HEATR5A: variants seen among roughly 807,000 people sequenced by gnomAD.
HEATR5A encodes the protein HEAT repeat containing 5A, also known as HEAT repeat-containing protein 5A.
Under a neutral mutation model 218.8 loss-of-function variants are expected in HEATR5A, and 178 were observed. The observed-to-expected ratio is 0.81, with a 90% CI of 0.72 to 0.92. The LOEUF (loss-of-function observed/expected upper bound fraction) is 0.92. HEATR5A is among the 40% of genes least tolerant of loss of function. The pLI is 0.00. For missense variants in HEATR5A, 2,420 were observed against 2,418.9 expected (o/e 1.00, Z -0.01); for synonymous variants, 864 against 871.6 (o/e 0.99, Z 0.15).
intron 1 of HEATR5A, among the ~76,000 whole-genome samples, chr14:31,412,065 AG>A (rs1386499820): frequency 6.6e-6 from 1 of 152,036 alleles, no homozygotes; most frequent in African/African-American, 2.4e-5. Context: ...CATGTTGACC[AG>A]GCTGGTCTCG....
At position 31,369,889 on chromosome 14, in the gene HEATR5A, G is replaced by A. The variant is rs183071037; in HGVS notation, c.1961+1921C>T. 4.7e-4 allele frequency among the ~76,000 whole-genome samples: 69 copies of A among 145,810 alleles called. No homozygotes were observed. In the East Asian group the frequency reaches 9.8e-3, roughly 21 times the overall value. The stretch of plus-strand genomic sequence containing the variant: ...ACGGAGGTTGCTGTGACCGGAGATC[G>A]CGCCACTGCACTCCAGCCTGGGTGA... On this transcript the variant is annotated intron_variant, in intron 13 of 35. Transcript: ENST00000543095.
intron 1 of HEATR5A, among the ~76,000 whole-genome samples, chr14:31,417,292 G>C (rs1052764100): frequency 1.3e-5 from 2 of 152,184 alleles, no homozygotes; most frequent in African/African-American, 4.8e-5. Flanking sequence ...CGGGGCGGTG[G>C]CTCAAGCCTG....
intron 1 of HEATR5A, among the ~76,000 whole-genome samples, chr14:31,416,176 G>A (rs536020403): frequency 6.6e-6 from 1 of 152,236 alleles, no homozygotes; most frequent in Admixed American, 6.5e-5. Context: ...GCAGTGCAGT[G>A]GTACGATCTC....
rs532818300 is a variant in HEATR5A at position 31,308,958 on chromosome 14, T to C, written c.4666A>G (p.Thr1556Ala). 42 of 1,613,588 alleles carry C rather than the reference T, an allele frequency of 2.6e-5. No homozygotes were observed. The East Asian group carries it at 7.4e-4, about 28-fold the overall frequency. ...CCTAAAATAAGATGGAATCTATCAG[T>C]GTAGACATCCTCAGGGGACTTTATG... ...ATIKSPEDVY[T>A]DRFHLILGIS... The change falls in exon 29 of 36, where the codon ACT becomes GCT. Residue 1556 changes from threonine to alanine, a missense_variant. Thr to Ala is a moderately conservative substitution (Grantham distance 58). Coordinates refer to ENST00000543095, the MANE Select transcript of HEATR5A (RefSeq NM_015473.4).
chr14:31,302,181 G>T, intron 33 of HEATR5A, 114 bp downstream of exon 33: 1 of 721,186 alleles, frequency 1.4e-6, no homozygotes, highest in Non-Finnish European at 2.4e-6. Flanking sequence ...TATTGAATAT[G>T]GTCTCCTCTA....
intron 2 of HEATR5A, among the ~76,000 whole-genome samples, chr14:31,401,721 T>C (rs557267968): frequency 6.6e-6 from 1 of 152,348 alleles, no homozygotes; most frequent in South Asian, 2.1e-4. Context: ...TCTGAGTTAC[T>C]AATCCTACAC....
chr14:31,307,810 T>G, intron 30 of HEATR5A, 83 bp downstream of exon 30: 2 of 1,476,302 alleles, frequency 1.4e-6, no homozygotes. Flanking sequence ...TGTGTTTACT[T>G]TCTGTTAACT....
At position 31,323,721 on chromosome 14, in the gene HEATR5A, G is replaced by T; in HGVS notation, c.3631C>A (p.Arg1211Ser). ...GTAAAAGGATGGGATTTTTCATCAC[G>T]TCTGGTGGTCAGGACTGAGGCATCA... ...GDDASVLTTR[R>S]DEKSHPFTNP... is the part of the protein sequence containing the mutation. Residue 1211 changes from arginine (R) to serine (S), a missense_variant, in exon 24 of 36, where the codon CGT (arginine) becomes AGT (serine). Physicochemically the swap from Arg to Ser is moderately radical, Grantham distance 110. Transcript: ENST00000543095. 1 of 1,613,412 alleles carries T rather than the reference G, an allele frequency of 6.2e-7. No individual in the cohort carries two copies. Among genetic ancestry groups the T allele is most frequent in the Non-Finnish European group, 8.5e-7 (1 of 1,179,524 alleles).
intron 1 of HEATR5A, among the ~76,000 whole-genome samples, chr14:31,413,089 A>G (rs2031334894): frequency 6.6e-6 from 1 of 152,172 alleles, no homozygotes; most frequent in South Asian, 2.1e-4. Flanking sequence ...TTCTAATTGT[A>G]ATATATAATG....
chr14:31,379,829 A>G (rs1282118495), intron 11 of HEATR5A, among the ~76,000 whole-genome samples: 1 of 152,078 alleles, frequency 6.6e-6, no homozygotes, highest in Non-Finnish European at 1.5e-5. Flanking sequence ...ATGATGTTGC[A>G]TGCCTATGGT....
intron 28 of HEATR5A, among the ~76,000 whole-genome samples, chr14:31,311,175 T>C (rs2139147354): frequency 6.6e-6 from 1 of 152,186 alleles, no homozygotes; most frequent in Non-Finnish European, 1.5e-5. Context: ...TGGAATAACA[T>C]GAAGAAGATT....
intron 33 of HEATR5A, among the ~76,000 whole-genome samples, chr14:31,301,224 T>C (rs190019445): frequency 6.6e-6 from 1 of 152,256 alleles, no homozygotes; most frequent in East Asian, 1.9e-4. Flanking sequence ...AAAAACCTCA[T>C]AAAAATAAGA....
At chr14:31,389,672 A>T (rs1047638761) in intron 6 of HEATR5A, among the ~76,000 whole-genome samples, 5 of 152,138 alleles carry the variant, frequency 3.3e-5, no homozygotes, top group Non-Finnish European at 7.4e-5. Flanking sequence ...AGAAGAAACC[A>T]TTTCTCCCTT....
At chr14:31,308,738 C>T (rs1899637109) in intron 29 of HEATR5A, among the ~76,000 whole-genome samples, 196 bp downstream of exon 29, 1 of 151,976 alleles carries the variant, frequency 6.6e-6, no homozygotes, top group African/African-American at 2.4e-5. Flanking sequence ...CTATTATTGA[C>T]ACTAATTCTG....
intron 21 of HEATR5A, 23 bp from the exon 22 acceptor site, chr14:31,337,637 C>G: frequency 6.3e-7 from 1 of 1,587,384 alleles, no homozygotes; most frequent in Non-Finnish European, 8.6e-7. Flanking sequence ...ATTTGAGGAA[C>G]GACAGAGCTA....
intron 1 of HEATR5A, among the ~76,000 whole-genome samples, chr14:31,410,498 A>C (rs1016009904): frequency 6.6e-6 from 1 of 152,250 alleles, no homozygotes; most frequent in Non-Finnish European, 1.5e-5. Flanking sequence ...CACCAGTTAC[A>C]CAGAGCATTA....
At chr14:31,400,660 T>C in intron 2 of HEATR5A, 148 bp from the exon 3 acceptor site, 1 of 606,822 alleles carries the variant, frequency 1.6e-6, no homozygotes, top group South Asian at 2.4e-5. Flanking sequence ...AATAAGTTGG[T>C]AGTGTGGTCA....
intron 1 of HEATR5A, among the ~76,000 whole-genome samples, chr14:31,404,448 T>C (rs989958646): frequency 2.0e-5 from 3 of 152,232 alleles, no homozygotes; most frequent in African/African-American, 7.2e-5. Context: ...TCCAACAGTT[T>C]ACCTGTTTGA....
At position 31,311,889 on chromosome 14, in the gene HEATR5A, T is replaced by C. The variant is rs1018311360; in HGVS notation, c.4441+1079A>G. ...TTTTTATATCCTAATGTGATCTGTA[T>C]CTCTGTGTTCTTCCCCCATGGGCTG... On this transcript the variant is annotated intron_variant, in intron 28 of 35. Coordinates refer to ENST00000543095, the MANE Select transcript of HEATR5A (RefSeq NM_015473.4). Among the ~76,000 whole-genome samples the C allele has an allele frequency of 3.3e-5, 5 of 152,210 alleles. No individual in the cohort carries two copies. In the East Asian group the frequency reaches 9.6e-4, roughly 29 times the overall value.
Sources: allele counts gnomAD v4.1 joint callset (sites outside exome capture counted in the v4.1 genomes callset), GRCh38; gene constraint gnomAD v4.1.1; transcripts MANE v1.5; gene names NCBI Gene and HGNC (gene_info 2026-07-23, HGNC 2026-07-21).